ZNF625: variants seen among roughly 807,000 people sequenced by gnomAD.
ZNF625 encodes the protein zinc finger protein 625.
Under a neutral mutation model 11.1 loss-of-function variants are expected in ZNF625, and 8 were observed. That is an observed-to-expected ratio of 0.72 (90% CI 0.42 to 1.30). ZNF625 has a LOEUF of 1.30. Among genes scored for constraint, ZNF625 ranks in the 50% most tolerant of loss-of-function variants. The probability of loss-of-function intolerance (pLI) is 0.01; values close to 1 mark genes in which losing one functional copy is unlikely to be tolerated. For synonymous variants in ZNF625, 145 were observed against 153.4 expected (o/e 0.95, Z 0.41); for missense variants, 349 against 447.6 (o/e 0.78, Z 1.99).
chr19:12,151,192 A>C (rs1483673098), intron 1 of ZNF625, among the ~76,000 whole-genome samples: 2 of 146,186 alleles, frequency 1.4e-5, no homozygotes, highest in African/African-American at 5.1e-5. Context: ...GATCAGCTAT[A>C]CTCTTGTATT....
chr19:12,153,116 G>A (rs2145614300), intron 1 of ZNF625, among the ~76,000 whole-genome samples: 1 of 152,166 alleles, frequency 6.6e-6, no homozygotes, highest in African/African-American at 2.4e-5. Context: ...CACTTTGGGA[G>A]GCCGAGGTGG....
intron 1 of ZNF625, 83 bp downstream of exon 1, chr19:12,156,473 G>A: frequency 8.3e-7 from 1 of 1,207,228 alleles, no homozygotes; most frequent in Non-Finnish European, 1.1e-6. Context: ...GCTGCAGGAA[G>A]GCCTGGGTCC....
At chr19:12,152,479 C>G (rs1976969193) in intron 1 of ZNF625, among the ~76,000 whole-genome samples, 1 of 152,090 alleles carries the variant, frequency 6.6e-6, no homozygotes, top group South Asian at 2.1e-4. Context: ...ATAGGATCAA[C>G]AGCAAACAAC....
chr19:12,147,242 C>T (rs988692356), intron 3 of ZNF625, among the ~76,000 whole-genome samples, 153 bp downstream of exon 3: 3 of 152,188 alleles, frequency 2.0e-5, no homozygotes, highest in African/African-American at 7.2e-5. Context: ...GCTGGGATTA[C>T]AGGCGTGAGC....
In ZNF625 at chr19:12,146,213, C is replaced by A. The variant is rs1366165880; in HGVS notation, c.203G>T (p.Gly68Val). Residue 68 changes from glycine to valine, a missense_variant, in exon 4 of 4, where the codon GGA (glycine) becomes GTA (valine). Physicochemically the swap from Gly to Val is moderately radical, Grantham distance 109 (BLOSUM62 -3). Transcript: ENST00000439556. ...TTTCTTACTTTCTAAGAGTCTCTCT[C>A]CCATAAGACCTCTGTGAACAATGAG... ...NPRRNLRGLM[G>V]ERLLESKKDH... 5.0e-6 allele frequency: 8 copies of A among 1,613,262 alleles called. No homozygotes were observed. The highest frequency in any genetic ancestry group is 5.1e-6 in the Non-Finnish European group (6 of 1,179,746).
rs552288810 is a variant in ZNF625 at position 12,145,591 on chromosome 19, A to G, written c.825T>C (p.Tyr275=). 73 of 1,614,122 alleles carry G rather than the reference A, an allele frequency of 4.5e-5. 1 individual carries two copies. In the South Asian group the frequency reaches 7.6e-4, roughly 17 times the overall value. ...AGGCTTTCCCACACTGTTTACATTC[A>G]TACGGCTTCTCCCCAGTGTGAGTTA... The part of the protein sequence containing the change: ...HKITHTGEKP[Y]ECKQCGKAFV... The change falls in exon 4 of 4, where the codon TAT becomes TAC. Residue 275 remains tyrosine (Y), a synonymous_variant. Transcript: ENST00000439556.
At chr19:12,155,318 C>G (rs932608562) in intron 1 of ZNF625, among the ~76,000 whole-genome samples, 1 of 151,946 alleles carries the variant, frequency 6.6e-6, no homozygotes. Context: ...GGTAAAGTCA[C>G]GCCTTAGAAT....
rs771744839 is a variant in ZNF625 at position 12,146,070 on chromosome 19, G to A, written c.346C>T (p.His116Tyr). The A allele has an allele frequency of 6.2e-7, 1 of 1,613,986 alleles. No individual in the cohort carries two copies. The highest frequency in any genetic ancestry group is 1.1e-5 in the South Asian group (1 of 91,068). The change falls in exon 4 of 4, where the codon CAC becomes TAC. Residue 116 changes from histidine to tyrosine, a missense_variant. Physicochemically the swap from His to Tyr is moderately conservative, Grantham distance 83. Transcript: ENST00000439556. ...GGCTTGTGTCCAGTGTCAGCTCTGT[G>A]GTGCCTATTAAGGGATGCATGACCC... is the stretch of plus-strand genomic sequence containing the variant. Reference protein sequence around the residue: ...SVGHASLNRHHRADTGHKPYE... With the variant: ...SVGHASLNRHYRADTGHKPYE...
intron 1 of ZNF625, among the ~76,000 whole-genome samples, chr19:12,148,361 G>A (rs1976906695): frequency 6.6e-6 from 1 of 152,160 alleles, no homozygotes; most frequent in Non-Finnish European, 1.5e-5. Context: ...TGGAAACTGT[G>A]CTTGGGTAGA....
Position 12,156,626 on chromosome 19 carries a change from C to A in ZNF625, c.-68G>T. On this transcript the variant is annotated 5_prime_UTR_variant, in exon 1 of 4. Coordinates refer to ENST00000439556, the MANE Select transcript of ZNF625 (RefSeq NM_145233.4). ...TCTAACAGTCCAGTCACAGTGCGGG[C>A]GATGGAGCGACAGAAGCTATGGCGG... 8.0e-7 allele frequency: 1 copy of A among 1,247,950 alleles called. No homozygotes were observed. 77.3% of individuals were successfully genotyped at this position (1,247,950 alleles called of 1,614,324 possible). A position where few individuals can be genotyped will look rare whatever the true frequency, so the allele number is the denominator to read the frequency against.
chr19:12,156,623 G>A lies in ZNF625; in HGVS notation c.-65C>T, dbSNP rs989566914. The A allele has an allele frequency of 8.3e-5, 104 of 1,253,118 alleles. No individual in the cohort carries two copies. The Middle Eastern group carries it at 1.2e-3, about 15-fold the overall frequency. The allele number at this position is 1,253,118 out of a possible 1,614,324, so 77.6% of individuals were successfully genotyped here. A position where few individuals can be genotyped will look rare whatever the true frequency, so the allele number is the denominator to read the frequency against. Reference sequence around the variant, plus strand: ...CCCTCTAACAGTCCAGTCACAGTGCGGGCGATGGAGCGACAGAAGCTATGG... The same window carrying A: ...CCCTCTAACAGTCCAGTCACAGTGCAGGCGATGGAGCGACAGAAGCTATGG... On this transcript the variant is annotated 5_prime_UTR_variant, in exon 1 of 4. Transcript: ENST00000439556.
At chr19:12,155,082 C>T (rs924988066) in intron 1 of ZNF625, among the ~76,000 whole-genome samples, 12 of 151,896 alleles carry the variant, frequency 7.9e-5, no homozygotes, top group African/African-American at 2.7e-4. Context: ...AGAAATTAGC[C>T]GGGTATGGTG....
chr19:12,153,476 G>A (rs1363882752), intron 1 of ZNF625, among the ~76,000 whole-genome samples: 3 of 151,964 alleles, frequency 2.0e-5, no homozygotes, highest in Non-Finnish European at 4.4e-5. Context: ...CCTGAGGTCA[G>A]GAGTTCAAGA....
In ZNF625 at chr19:12,144,975, A is replaced by C. The variant is rs1976846168; in HGVS notation, c.*322T>G. The C allele has an allele frequency of 2.7e-5, 6 of 222,478 alleles. No individual in the cohort carries two copies. Among genetic ancestry groups the C allele is most frequent in the Non-Finnish European group, 5.3e-5 (6 of 113,762 alleles). The allele number at this position is 222,478 out of a possible 1,614,324, so 13.8% of individuals were successfully genotyped here. ...GTGGTCCGCCTGCCTCGGCCTCCCA[A>C]AGTGCTGGGATTATAGGCATGAGCC... On this transcript the variant is annotated 3_prime_UTR_variant, in exon 4 of 4. Transcript: ENST00000439556.
At position 12,156,618 on chromosome 19, in the gene ZNF625, A is replaced by T. The variant is rs776978318; in HGVS notation, c.-60T>A. On this transcript the variant is annotated 5_prime_UTR_variant, in exon 1 of 4. Transcript: ENST00000439556. ...CGGATCCCTCTAACAGTCCAGTCAC[A>T]GTGCGGGCGATGGAGCGACAGAAGC... The T allele has an allele frequency of 6.3e-6, 8 of 1,262,688 alleles. No homozygotes were observed. The highest frequency in any genetic ancestry group is 8.0e-6 in the Non-Finnish European group (8 of 999,926). The allele number at this position is 1,262,688 out of a possible 1,614,324, so 78.2% of individuals were successfully genotyped here.
At chr19:12,151,645 C>T (rs576310463) in intron 1 of ZNF625, among the ~76,000 whole-genome samples, 66 of 152,072 alleles carry the variant, frequency 4.3e-4, no homozygotes, top group African/African-American at 1.5e-3. Flanking sequence ...GCCCAAAGTG[C>T]TGGGATTATA....
At chr19:12,147,346 T>G (rs1976891151) in intron 3 of ZNF625, 49 bp downstream of exon 3, 1 of 1,353,724 alleles carries the variant, frequency 7.4e-7, no homozygotes, top group Admixed American at 2.4e-5. Context: ...TTTCTTCCAT[T>G]CTATGATTGT....
chr19:12,147,228 A>G (rs1436944235), intron 3 of ZNF625, among the ~76,000 whole-genome samples, 167 bp downstream of exon 3: 3 of 152,148 alleles, frequency 2.0e-5, no homozygotes, highest in African/African-American at 4.8e-5. Flanking sequence ...CAGCCTCCCA[A>G]AGTGCTGGGA....
chr19:12,150,270 A>T (rs534212293), intron 1 of ZNF625, among the ~76,000 whole-genome samples: 85 of 152,274 alleles, frequency 5.6e-4, no homozygotes, highest in African/African-American at 1.8e-3. Context: ...AGGGAATCAG[A>T]AATGTAAGGA....
Sources: allele counts gnomAD v4.1 joint callset (sites outside exome capture counted in the v4.1 genomes callset), GRCh38; gene constraint gnomAD v4.1.1; transcripts MANE v1.5; gene names NCBI Gene and HGNC (gene_info 2026-07-23, HGNC 2026-07-21).